The following SPEG variants were observed in gnomAD, a reference collection of about 807,000 sequenced individuals.
SPEG encodes the protein striated muscle preferentially expressed protein kinase.
SPEG carries 114 observed loss-of-function variants against 300.4 expected under a neutral mutation model. That is an observed-to-expected ratio of 0.38 (90% CI 0.33 to 0.44). The LOEUF (loss-of-function observed/expected upper bound fraction) is 0.44. Among genes scored for constraint, SPEG ranks in the 20% least tolerant of loss-of-function variants. The pLI is 1.00. For missense variants in SPEG, 4,201 were observed against 4,586.2 expected, an observed-to-expected ratio of 0.92 and a Z score of 2.43; for synonymous variants, 1,964 against 2,018.9, an observed-to-expected ratio of 0.97 and a Z score of 0.73.
Position 219,467,335 on chromosome 2 carries a change from T to C in SPEG, c.3043T>C (p.Cys1015Arg). 6.2e-7 allele frequency: 1 copy of C among 1,612,204 alleles called. No individual in the cohort carries two copies. Among genetic ancestry groups the C allele is most frequent in the Non-Finnish European group, 8.5e-7 (1 of 1,180,006 alleles). Reference protein sequence around the residue: ...GRLLQPALLKCKMHFDGRKCK... With the variant: ...GRLLQPALLKRKMHFDGRKCK... ...CCTGCTGCAGCCTGCACTGCTCAAATGCAAGATGCATTTCGATGGCCGCAA... is the reference window on the plus strand; with the variant it reads ...CCTGCTGCAGCCTGCACTGCTCAAACGCAAGATGCATTTCGATGGCCGCAA... The change falls in exon 10 of 41, where the codon TGC (cysteine) becomes CGC (arginine). Residue 1015 changes from cysteine (C) to arginine (R), a missense_variant. By Grantham distance (180) the Cys-to-Arg change is radical. Transcript: ENST00000312358.
Position 219,479,899 on chromosome 2 carries a change from G to A in SPEG, c.5163+39G>A, listed in dbSNP as rs1692675564. On this transcript the variant is annotated intron_variant, in intron 24 of 40. Transcript: ENST00000312358. The surrounding 1 kb of genome is among the most constrained non-coding windows in gnomAD (Gnocchi z 5.5). ...TGGAGAGCAGACAGCCCCTGTGGGA[G>A]CCAGGAGGTGAAGCATCCTTCCTTG... 1 of 1,614,072 alleles carries A rather than the reference G, an allele frequency of 6.2e-7. No individual in the cohort carries two copies. The highest frequency in any genetic ancestry group is 8.5e-7 in the Non-Finnish European group (1 of 1,179,938).
At chr2:219,442,602 C>T (rs184825026) in intron 1 of SPEG, among the ~76,000 whole-genome samples, 1 of 150,244 alleles carries the variant, frequency 6.7e-6, no homozygotes, top group Admixed American at 6.6e-5. Context: ...GCCCTCTGCC[C>T]CCATCATCCC....
Position 219,473,063 on chromosome 2 carries a change from C to A in SPEG, c.4114C>A (p.Pro1372Thr). Residue 1372 changes from proline (P) to threonine (T), a missense_variant, in exon 16 of 41, where the codon CCC (proline) becomes ACC (threonine). Pro to Thr is a conservative substitution (Grantham distance 38). Transcript: ENST00000312358. The surrounding 1 kb of genome is among the most constrained non-coding windows in gnomAD (Gnocchi z 4.6). ...TGTCAAGAGCAGCAGCAAGCCCTCA[C>A]CCCCTTCTGAGCCTGTGCAGCTGCT... ...TTVKSSSKPSPPSEPVQLLEH... is the reference protein window; with the variant it reads ...TTVKSSSKPSTPSEPVQLLEH... 1 of 1,613,940 alleles carries A rather than the reference C, an allele frequency of 6.2e-7. No homozygotes were observed. The highest frequency in any genetic ancestry group is 8.5e-7 in the Non-Finnish European group (1 of 1,180,018).
Position 219,480,003 on chromosome 2 carries a change from G to A in SPEG, c.5205G>A (p.Gln1735=). The A allele has an allele frequency of 6.2e-7, 1 of 1,614,194 alleles. No individual in the cohort carries two copies. Among genetic ancestry groups the A allele is most frequent in the South Asian group, 1.1e-5 (1 of 91,084 alleles). The stretch of plus-strand genomic sequence containing the variant: ...TGTGGGATGGTGCTGCGGGCGAGCA[G>A]CAGGTGCGGATCTGTGACTTTGGGA... The part of the protein sequence containing the change: ...LLVWDGAAGE[Q]QVRICDFGNA... The change falls in exon 25 of 41, where the codon CAG becomes CAA. Residue 1735 remains glutamine, a synonymous_variant. Coordinates refer to ENST00000312358, the MANE Select transcript of SPEG (RefSeq NM_005876.5). This position sits in a 1 kb window ranked among gnomAD's most constrained non-coding sequence, Gnocchi z 5.3.
Position 219,444,618 on chromosome 2 carries a change from G to GC in SPEG, c.389-35_389-34insC. ...AGGGAAGAGTTGGAGGCAGAGGGAG[G>GC]AGGGCCCTGCCCACACAGACCCCTT... On this transcript the variant is annotated intron_variant, in intron 1 of 40. Transcript: ENST00000312358. The surrounding 1 kb of genome is among the most constrained non-coding windows in gnomAD (Gnocchi z 7.8). 6.4e-7 allele frequency: 1 copy of GC among 1,566,082 alleles called. No homozygotes were observed. Among genetic ancestry groups the GC allele is most frequent in the Non-Finnish European group, 8.8e-7 (1 of 1,136,746 alleles).
rs1459804740 is a variant in SPEG, at chr2:219,492,267, G to A, written c.9611+7G>A. The A allele has an allele frequency of 3.1e-6, 5 of 1,609,864 alleles. No individual in the cohort carries two copies. The highest frequency in any genetic ancestry group is 4.2e-6 in the Non-Finnish European group (5 of 1,177,294). ...TTCTCTCTGTACATCCCTGGTGAGT[G>A]AGCCCCACACCTGCTATCCCCCAGT... On this transcript the variant is annotated splice_region_variant and intron_variant, in intron 40 of 40. Coordinates refer to ENST00000312358, the MANE Select transcript of SPEG (RefSeq NM_005876.5).
intron 8 of SPEG, 71 bp downstream of exon 8, chr2:219,462,457 G>A (rs1036453865): frequency 3.1e-6 from 4 of 1,295,766 alleles, no homozygotes; most frequent in Non-Finnish European, 4.3e-6. Flanking sequence ...GTCTGGCTTT[G>A]GGTGGAAGGA....
chr2:219,483,242 G>A lies in SPEG; in HGVS notation c.5779G>A (p.Glu1927Lys), dbSNP rs1218518482. 1 of 1,610,418 alleles carries A rather than the reference G, an allele frequency of 6.2e-7. No homozygotes were observed. Among genetic ancestry groups the A allele is most frequent in the Non-Finnish European group, 8.5e-7 (1 of 1,178,988 alleles). Residue 1927 changes from glutamate to lysine, a missense_variant, in exon 30 of 41, where the codon GAA becomes AAA. Around this residue, in one of 4 missense-constraint regions of SPEG, gnomAD observed 1,578 missense variants for 1,506.0 expected, o/e 1.05. Coordinates refer to ENST00000312358, the MANE Select transcript of SPEG (RefSeq NM_005876.5). ...GLSSSSDSEE[E>K]ELEELPSVPR... ...CTCATCCTCCTCGGATTCTGAAGAG[G>A]AAGAGCTGGAAGAGCTGCCCTCAGT...
Position 219,435,289 on chromosome 2 carries a change from C to G in SPEG, c.312C>G (p.Gly104=), listed in dbSNP as rs1954685258. Reference sequence around the variant, plus strand: ...GGCGCTGCGGGGCGCAGGACGCCGGCGTGTACAGCTGCATGGCCCAGAACG... The same window carrying G: ...GGCGCTGCGGGGCGCAGGACGCCGGGGTGTACAGCTGCATGGCCCAGAACG... ...WLRRCGAQDA[G]VYSCMAQNER... The change falls in exon 1 of 41, where the codon GGC becomes GGG. Residue 104 remains glycine, a synonymous_variant. Coordinates refer to ENST00000312358, the MANE Select transcript of SPEG (RefSeq NM_005876.5). The G allele has an allele frequency of 6.6e-7, 1 of 1,514,758 alleles. No individual in the cohort carries two copies. The highest frequency in any genetic ancestry group is 8.8e-7 in the Non-Finnish European group (1 of 1,139,312). 93.8% of individuals were successfully genotyped at this position (1,514,758 alleles called of 1,614,324 possible).
rs879652003 is a variant in SPEG, at chr2:219,492,873, G to A, written c.*87G>A. 14 of 1,346,774 alleles carry A rather than the reference G, an allele frequency of 1.0e-5. No individual in the cohort carries two copies. Among genetic ancestry groups the A allele is most frequent in the Admixed American group, 5.9e-5 (3 of 50,662 alleles). 83.4% of individuals were successfully genotyped at this position (1,346,774 alleles called of 1,614,324 possible). On this transcript the variant is annotated 3_prime_UTR_variant, in exon 41 of 41. Coordinates refer to ENST00000312358, the MANE Select transcript of SPEG (RefSeq NM_005876.5). ...TTCCAGGGCCCACGCTGAGCCAGGC[G>A]GGCCTGGGGCTTCGGTTACCACCAG... is the stretch of plus-strand genomic sequence containing the variant.
intron 30 of SPEG, 88 bp downstream of exon 30, chr2:219,485,160 C>A: frequency 6.7e-7 from 1 of 1,500,476 alleles, no homozygotes; most frequent in South Asian, 1.2e-5. Flanking sequence ...GGGCTGGGGA[C>A]ACCCACCAGG....
intron 9 of SPEG, chr2:219,465,730 G>A: frequency 2.2e-6 from 1 of 445,434 alleles, no homozygotes; most frequent in Non-Finnish European, 4.0e-6. Context: ...GCCAAGAGTG[G>A]CAGTGCTGCC....
chr2:219,465,954 T>C lies in SPEG; in HGVS notation c.2882-1220T>C, dbSNP rs1240642994. The C allele has an allele frequency of 1.1e-4, 107 of 963,658 alleles. 2 individuals are homozygous for C. In the Middle Eastern group the frequency reaches 1.5e-3, roughly 13 times the overall value. The allele number at this position is 963,658 out of a possible 1,614,324, so 59.7% of individuals were successfully genotyped here. A position where few individuals can be genotyped will look rare whatever the true frequency, so the allele number is the denominator to read the frequency against. The stretch of plus-strand genomic sequence containing the variant: ...GTGTGCGTGCACGTGTGCGTGCATG[T>C]GTGCGTGTGCATGCGTGTGTGTGCA... On this transcript the variant is annotated intron_variant, in intron 9 of 40. Transcript: ENST00000312358.
At chr2:219,453,721 G>A (rs933296673) in intron 6 of SPEG, among the ~76,000 whole-genome samples, 28 of 152,246 alleles carry the variant, frequency 1.8e-4, no homozygotes, top group Non-Finnish European at 7.3e-5. Flanking sequence ...TGGCTCGGGG[G>A]CCCCAGGGCC....
At position 219,448,837 on chromosome 2, in the gene SPEG, G is replaced by A; in HGVS notation, c.1679G>A (p.Ser560Asn). ...GCCGCCCAGCCGCCCTCTCCGAGCA[G>A]CGCGGAGAAGCCGGGGGACGAGCCT... ...PAAAQPPSPS[S>N]AEKPGDEPGR... Residue 560 changes from serine to asparagine, a missense_variant, in exon 4 of 41, where the codon AGC becomes AAC. By Grantham distance (46) the Ser-to-Asn change is conservative. Around this residue, in one of 4 missense-constraint regions of SPEG, gnomAD observed 1,258 missense variants for 1,293.9 expected, o/e 0.97. Transcript: ENST00000312358. 1.4e-6 allele frequency: 2 copies of A among 1,401,034 alleles called. No individual in the cohort carries two copies. Among genetic ancestry groups the A allele is most frequent in the Non-Finnish European group, 1.8e-6 (2 of 1,085,740 alleles). The allele number at this position is 1,401,034 out of a possible 1,614,324, so 86.8% of individuals were successfully genotyped here. A position where few individuals can be genotyped will look rare whatever the true frequency, so the allele number is the denominator to read the frequency against.
rs988423418 is a variant in SPEG, at chr2:219,464,499, G to C, written c.2772G>C (p.Leu924=). The change falls in exon 9 of 41, where the codon CTG becomes CTC. Residue 924 remains leucine, a synonymous_variant. Coordinates refer to ENST00000312358, the MANE Select transcript of SPEG (RefSeq NM_005876.5). This position sits in a 1 kb window ranked among gnomAD's most constrained non-coding sequence, Gnocchi z 4.5. The part of the protein sequence containing the change: ...RRFAEEAEGG[L]CRLRILAAER... ...TTGCGGAGGAGGCTGAGGGTGGGCT[G>C]TGCCGGCTGCGGATCCTGGCTGCAG... is the stretch of plus-strand genomic sequence containing the variant. 3.1e-6 allele frequency: 5 copies of C among 1,613,942 alleles called. No homozygotes were observed. In the African/African-American group the frequency reaches 6.7e-5, roughly 22 times the overall value.
chr2:219,474,074 A>C lies in SPEG; in HGVS notation c.4447+171A>C, dbSNP rs189162852. 904 of 668,022 alleles carry C rather than the reference A, an allele frequency of 1.4e-3. 1 individual carries two copies. Among genetic ancestry groups the C allele is most frequent in the Non-Finnish European group, 1.8e-3 (725 of 407,396 alleles). 41.4% of individuals were successfully genotyped at this position (668,022 alleles called of 1,614,324 possible). A position where few individuals can be genotyped will look rare whatever the true frequency, so the allele number is the denominator to read the frequency against. Reference sequence around the variant, plus strand: ...ATACCATATTAGTAATAATGACAACAATCATACTAACAAGATTTATTGGCC... The same window carrying C: ...ATACCATATTAGTAATAATGACAACCATCATACTAACAAGATTTATTGGCC... On this transcript the variant is annotated intron_variant, in intron 18 of 40. Transcript: ENST00000312358.
At position 219,479,717 on chromosome 2, in the gene SPEG, C is replaced by G; in HGVS notation, c.5086-66C>G. Reference sequence around the variant, plus strand: ...CCACAGGCACAGCCGGACCGCTTGCCGCCCTGGAGGTGTTCAGACATACAC... The same window carrying G: ...CCACAGGCACAGCCGGACCGCTTGCGGCCCTGGAGGTGTTCAGACATACAC... On this transcript the variant is annotated intron_variant, in intron 23 of 40. Coordinates refer to ENST00000312358, the MANE Select transcript of SPEG (RefSeq NM_005876.5). This position sits in a 1 kb window ranked among gnomAD's most constrained non-coding sequence, Gnocchi z 5.5. 1 of 1,489,836 alleles carries G rather than the reference C, an allele frequency of 6.7e-7. No individual in the cohort carries two copies. Among genetic ancestry groups the G allele is most frequent in the Non-Finnish European group, 9.3e-7 (1 of 1,070,128 alleles). The allele number at this position is 1,489,836 out of a possible 1,614,324, so 92.3% of individuals were successfully genotyped here. A position where few individuals can be genotyped will look rare whatever the true frequency, so the allele number is the denominator to read the frequency against.
rs1302006624 is a variant in SPEG at position 219,483,762 on chromosome 2, G to A, written c.6299G>A (p.Arg2100Gln). 6 of 1,547,416 alleles carry A rather than the reference G, an allele frequency of 3.9e-6. No individual in the cohort carries two copies. The highest frequency in any genetic ancestry group is 1.4e-5 in the African/African-American group (1 of 73,534). Reference protein sequence around the residue: ...PLLESLGGRARDPRMARAASS... With the variant: ...PLLESLGGRAQDPRMARAASS... ...CTGGAGAGCCTGGGGGGCCGTGCTC[G>A]GGACCCCCGGATGGCACGAGCTGCC... The change falls in exon 30 of 41, where the codon CGG becomes CAG. Residue 2100 changes from arginine to glutamine, a missense_variant. By Grantham distance (43) the Arg-to-Gln change is conservative. Around this residue, in one of 4 missense-constraint regions of SPEG, gnomAD observed 1,578 missense variants for 1,506.0 expected, o/e 1.05. Transcript: ENST00000312358.
Sources: allele counts gnomAD v4.1 joint callset (sites outside exome capture counted in the v4.1 genomes callset), GRCh38; gene constraint gnomAD v4.1.1; regional missense constraint gnomAD v4.1.1; non-coding constraint Gnocchi (gnomAD v3.1); transcripts MANE v1.5; gene names NCBI Gene and HGNC (gene_info 2026-07-23, HGNC 2026-07-21).